Variants in PRKCSH observed in about 807,000 individuals in gnomAD.
PRKCSH encodes the protein glucosidase 2 subunit beta.
A neutral mutation model predicts 79.7 loss-of-function variants in PRKCSH; 42 were observed. The ratio of observed to expected loss-of-function variants is 0.53; its 90% confidence interval spans 0.41 to 0.68. The LOEUF is 0.68. Ranked by LOEUF, PRKCSH falls within the 30% of genes least tolerant of loss-of-function variation. The pLI is 0.00. For synonymous variants in PRKCSH, 325 were observed against 288.2 expected (o/e 1.13, Z -1.29); for missense variants, 686 against 709.0 (o/e 0.97, Z 0.37).
Position 11,448,606 on chromosome 19 carries a change from G to A in PRKCSH, c.1263G>A (p.Gln421=). Residue 421 remains glutamine, a synonymous_variant, in exon 14 of 18, where the codon CAG becomes CAA. Transcript: ENST00000677123. The surrounding 1 kb of genome is among the most constrained non-coding windows in gnomAD (Gnocchi z 4.4). ...GGGAGTTTGCTTACCTGTACAGCCA[G>A]TGCTACGAGCTCACCACCAACGAGT... The part of the protein sequence containing the change: ...PNGEFAYLYS[Q]CYELTTNEYV... 1 of 1,614,230 alleles carries A rather than the reference G, an allele frequency of 6.2e-7. No individual in the cohort carries two copies. The highest frequency in any genetic ancestry group is 2.2e-5 in the East Asian group (1 of 44,884).
chr19:11,438,765 CA>C (rs543509035), intron 5 of PRKCSH, among the ~76,000 whole-genome samples: 1,121 of 88,124 alleles, frequency 0.013, 9 homozygotes, highest in South Asian at 0.026. Context: ...AAAAAAAAAG[CA>C]AAAAAAAAAA....
chr19:11,441,213 T>C, intron 5 of PRKCSH, 27 bp from the exon 6 acceptor site: 2 of 1,608,972 alleles, frequency 1.2e-6, no homozygotes, highest in Non-Finnish European at 1.7e-6. Flanking sequence ...GCCCCACTGG[T>C]GGTGCCTGTG....
intron 3 of PRKCSH, 173 bp downstream of exon 3, chr19:11,436,678 C>G (rs1004491005): frequency 1.6e-6 from 1 of 633,634 alleles, no homozygotes; most frequent in African/African-American, 1.8e-5. Flanking sequence ...AGCCCAGAGT[C>G]GTCCTCCTCC....
At chr19:11,446,416 C>T (rs1214667703) in intron 9 of PRKCSH, 66 bp downstream of exon 9, 1 of 1,530,454 alleles carries the variant, frequency 6.5e-7, no homozygotes, top group African/African-American at 1.4e-5. Context: ...CCTCAGGGCA[C>T]AGGAGGGGGA....
intron 2 of PRKCSH, 67 bp from the exon 3 acceptor site, chr19:11,436,322 G>A (rs781764409): frequency 2.2e-5 from 35 of 1,573,076 alleles, no homozygotes; most frequent in Non-Finnish European, 2.8e-5. Context: ...GGGGATGGGA[G>A]GACAGAGGTG....
intron 5 of PRKCSH, among the ~76,000 whole-genome samples, chr19:11,440,441 C>T (rs1488383295): frequency 4.0e-5 from 6 of 150,598 alleles, no homozygotes; most frequent in African/African-American, 9.8e-5. Context: ...TGTGAGCCAC[C>T]GCCCCTGGCC....
At chr19:11,446,482 A>G in intron 9 of PRKCSH, 132 bp downstream of exon 9, 1 of 1,113,806 alleles carries the variant, frequency 9.0e-7, no homozygotes, top group Non-Finnish European at 1.3e-6. Context: ...CTGGGATGGC[A>G]GCCACTCAGG....
chr19:11,445,331 C>T (rs1165145426), intron 7 of PRKCSH, 58 bp from the exon 8 acceptor site: 38 of 1,556,176 alleles, frequency 2.4e-5, no homozygotes, highest in Admixed American at 5.0e-5. Flanking sequence ...CTGTGGGGTG[C>T]GGGGGCTGAT....
At chr19:11,444,530 ACT>A (rs1027560746) in intron 7 of PRKCSH, among the ~76,000 whole-genome samples, 8 of 152,036 alleles carry the variant, frequency 5.3e-5, no homozygotes, top group South Asian at 2.1e-4. Context: ...GTGACCTAAG[ACT>A]CTCTAGAGGA....
rs1212008230 is a variant in PRKCSH at position 11,448,859 on chromosome 19, GGGA to G, written c.1287-49_1287-47del. On this transcript the variant is annotated intron_variant, in intron 14 of 17. Coordinates refer to ENST00000677123, the MANE Select transcript of PRKCSH (RefSeq NM_001289104.2). The surrounding 1 kb of genome is among the most constrained non-coding windows in gnomAD (Gnocchi z 4.4). ...GGAGGAGGCGGTGGGGGGTGGCTGT[GGGA>G]GGAGGCTGGAATCCCTGCGTTCCCC... The G allele has an allele frequency of 6.2e-7, 1 of 1,601,906 alleles. No homozygotes were observed. Among genetic ancestry groups the G allele is most frequent in the Non-Finnish European group, 8.6e-7 (1 of 1,169,204 alleles).
At position 11,448,227 on chromosome 19, in the gene PRKCSH, C is replaced by CAGGAGGCCCGCAACAAGTTCG; in HGVS notation, c.1141_1161dup (p.Arg381_Ala387dup). 6.4e-7 allele frequency: 1 copy of CAGGAGGCCCGCAACAAGTTCG among 1,559,308 alleles called. No individual in the cohort carries two copies. Among genetic ancestry groups the CAGGAGGCCCGCAACAAGTTCG allele is most frequent in the Non-Finnish European group, 8.7e-7 (1 of 1,151,174 alleles). On this transcript the variant is annotated inframe_insertion, in exon 13 of 18. Coordinates refer to ENST00000677123, the MANE Select transcript of PRKCSH (RefSeq NM_001289104.2). The surrounding 1 kb of genome is among the most constrained non-coding windows in gnomAD (Gnocchi z 4.4). ...ACCTCCAACCCCTCTCCCAGCTGCC[C>CAGGAGGCCCGCAACAAGTTCG]AGGAGGCCCGCAACAAGTTCGAGGA...
In PRKCSH at chr19:11,438,230, TC is replaced by T; in HGVS notation, c.350+107del. 7.9e-6 allele frequency: 10 copies of T among 1,263,256 alleles called. 1 individual carries two copies. In the South Asian group the frequency reaches 1.1e-4, roughly 14 times the overall value. 78.3% of individuals were successfully genotyped at this position (1,263,256 alleles called of 1,614,324 possible). On this transcript the variant is annotated intron_variant, in intron 5 of 17. Transcript: ENST00000677123. ...TCTTCTGCTTTTCTGTATCGGGTTC[TC>T]TGTCTGTGCCAGGTGCCTTGTGAAT...
rs186111997 is a variant in PRKCSH, at chr19:11,445,984, G to T, written c.684-288G>T. The T allele has an allele frequency of 2.3e-3, 1,304 of 563,124 alleles. 14 individuals are homozygous for T. Among genetic ancestry groups the T allele is most frequent in the African/African-American group, 0.022 (1,174 of 53,144 alleles). The allele number at this position is 563,124 out of a possible 1,614,324, so 34.9% of individuals were successfully genotyped here. On this transcript the variant is annotated intron_variant, in intron 8 of 17. Transcript: ENST00000677123. Reference sequence around the variant, plus strand: ...CCAAGGCAGATGGCAGCTTCAATGTGCCGGGTCCTGGGGTGGAAGGAGGTG... The same window carrying T: ...CCAAGGCAGATGGCAGCTTCAATGTTCCGGGTCCTGGGGTGGAAGGAGGTG...
In PRKCSH at chr19:11,437,938, A is replaced by G. The variant is rs1227654929; in HGVS notation, c.259A>G (p.Ile87Val). The change falls in exon 4 of 18, where the codon ATC (isoleucine) becomes GTC (valine). Residue 87 changes from isoleucine (I) to valine (V), a missense_variant. Physicochemically the swap from Ile to Val is conservative, Grantham distance 29. Transcript: ENST00000677123. ...CAACACTGGCTATAAGCCCCTGTATATCCCCTCCAACCGGGTCAACGATGG... is the reference window on the plus strand; with the variant it reads ...CAACACTGGCTATAAGCCCCTGTATGTCCCCTCCAACCGGGTCAACGATGG... ...CTNTGYKPLY[I>V]PSNRVNDGVC... The G allele has an allele frequency of 6.2e-7, 1 of 1,613,980 alleles. No homozygotes were observed. The highest frequency in any genetic ancestry group is 8.5e-7 in the Non-Finnish European group (1 of 1,180,030).
In PRKCSH at chr19:11,447,463, CCTT is replaced by C. The variant is rs763385758; in HGVS notation, c.877_879del (p.Ser293del). The C allele has an allele frequency of 3.1e-6, 5 of 1,613,958 alleles. No individual in the cohort carries two copies. The highest frequency in any genetic ancestry group is 3.4e-6 in the Non-Finnish European group (4 of 1,180,030). ...GGCACTGCCCACCGACCTTCCAGCA[CCTT>C]CTGCCCCTGACTTGACGGAGCCCAA... On this transcript the variant is annotated inframe_deletion, in exon 11 of 18. Coordinates refer to ENST00000677123, the MANE Select transcript of PRKCSH (RefSeq NM_001289104.2). The surrounding 1 kb of genome is among the most constrained non-coding windows in gnomAD (Gnocchi z 5.6).
chr19:11,447,809 A>G lies in PRKCSH; in HGVS notation c.1126+20A>G. ...TCGATGGTGAGGGTGGGCGGGGGCC[A>G]GGCTCCTCGGGTGGGCCCAGCGTTT... On this transcript the variant is annotated intron_variant, in intron 12 of 17. Coordinates refer to ENST00000677123, the MANE Select transcript of PRKCSH (RefSeq NM_001289104.2). This position sits in a 1 kb window ranked among gnomAD's most constrained non-coding sequence, Gnocchi z 5.6. The G allele has an allele frequency of 6.5e-7, 1 of 1,545,926 alleles. No homozygotes were observed. The highest frequency in any genetic ancestry group is 8.7e-7 in the Non-Finnish European group (1 of 1,145,736).
chr19:11,435,947 C>G, intron 1 of PRKCSH, 94 bp from the exon 2 acceptor site: 1 of 1,037,332 alleles, frequency 9.6e-7, no homozygotes, highest in Non-Finnish European at 1.5e-6. Flanking sequence ...ATATCGGAAA[C>G]AAAGTGAGGC....
In PRKCSH at chr19:11,447,754, C is replaced by G. The variant is rs770401000; in HGVS notation, c.1091C>G (p.Pro364Arg). 3.1e-6 allele frequency: 5 copies of G among 1,593,826 alleles called. No homozygotes were observed. In the East Asian group the frequency reaches 1.1e-4, roughly 36 times the overall value. ...PASPAEEDKMPPYDEQTQAFI... is the reference protein window; with the variant it reads ...PASPAEEDKMRPYDEQTQAFI... ...AGCCCTGCTGAGGAAGACAAAATGCCGCCCTACGACGAGCAGACGCAGGCC... is the reference window on the plus strand; with the variant it reads ...AGCCCTGCTGAGGAAGACAAAATGCGGCCCTACGACGAGCAGACGCAGGCC... Residue 364 changes from proline to arginine, a missense_variant, in exon 12 of 18, where the codon CCG becomes CGG. Around this residue, in one of 2 missense-constraint regions of PRKCSH, gnomAD observed 549 missense variants for 520.2 expected, o/e 1.06. Transcript: ENST00000677123. The surrounding 1 kb of genome is among the most constrained non-coding windows in gnomAD (Gnocchi z 5.6).
Position 11,436,393 on chromosome 19 carries a change from T to G in PRKCSH, c.84T>G (p.His28Gln), listed in dbSNP as rs779747276. 6.2e-7 allele frequency: 1 copy of G among 1,614,108 alleles called. No homozygotes were observed. Among genetic ancestry groups the G allele is most frequent in the South Asian group, 1.1e-5 (1 of 91,092 alleles). The change falls in exon 3 of 18, where the codon CAT becomes CAG. Residue 28 changes from histidine (H) to glutamine (Q), a missense_variant. Around this residue, in one of 2 missense-constraint regions of PRKCSH, gnomAD observed 549 missense variants for 520.2 expected, o/e 1.06. Transcript: ENST00000677123. Reference sequence around the variant, plus strand: ...TGAGCTTCCTGTACCCCGCAGATCATCACTTCTACGATGAGTCCAAGCCTT... The same window carrying G: ...TGAGCTTCCTGTACCCCGCAGATCAGCACTTCTACGATGAGTCCAAGCCTT... ...KRPRGVSLTNHHFYDESKPFT... is the reference protein window; with the variant it reads ...KRPRGVSLTNQHFYDESKPFT...
Sources: gnomAD v4.1 joint callset for allele counts (sites outside exome capture counted in the v4.1 genomes callset) on GRCh38, gnomAD v4.1.1 for gene constraint, gnomAD v4.1.1 regional missense constraint, Gnocchi (gnomAD v3.1) non-coding constraint, MANE v1.5 for transcripts, NCBI Gene and HGNC (gene_info 2026-07-23, HGNC 2026-07-21) for gene names.